The following CALD1 variants were observed in gnomAD, a reference collection of about 807,000 sequenced individuals.
The protein encoded by CALD1 is caldesmon 1, also known as caldesmon.
Under a neutral mutation model 99.9 loss-of-function variants are expected in CALD1, and 33 were observed. That is an observed-to-expected ratio of 0.33 (90% CI 0.25 to 0.44). The LOEUF is 0.44. Ranked by LOEUF, CALD1 falls within the 20% of genes least tolerant of loss-of-function variation. The pLI is 1.00. For missense variants in CALD1, 861 were observed against 962.1 expected (o/e 0.89, Z 1.39); for synonymous variants, 310 against 325.0 (o/e 0.95, Z 0.50).
At chr7:134,741,630 T>TA (rs35127719), upstream of CALD1, among the ~76,000 whole-genome samples, 35 of 152,038 alleles carry the variant, frequency 2.3e-4, no homozygotes, top group Non-Finnish European at 3.7e-4. Flanking sequence ...AATGCATATT[T>TA]AAAAAAAAGA....
In CALD1 at chr7:134,861,693, T is replaced by C. The variant is rs75332890; in HGVS notation, c.-41-6000T>C. Among the ~76,000 whole-genome samples the C allele has an allele frequency of 6.8e-3, 1,031 of 152,356 alleles. 17 individuals carry two copies. Among genetic ancestry groups the C allele is most frequent in the African/African-American group, 0.024 (991 of 41,584 alleles). ...GCACATAGTAGCTGTGCGGTAAATA[T>C]TTATTGTATATTGATTGTATAAATG... On this transcript the variant is annotated intron_variant, in intron 2 of 14. Coordinates refer to ENST00000361675, the MANE Select transcript of CALD1 (RefSeq NM_033138.4).
rs546808266 is a variant in CALD1, at chr7:134,829,096, G to A, written c.-129-14788G>A. Reference sequence around the variant, plus strand: ...TTATTGAGTGACTACTAAATGGCAGGCAACTGCAAAGTGCTGAGGAATCAT... The same window carrying A: ...TTATTGAGTGACTACTAAATGGCAGACAACTGCAAAGTGCTGAGGAATCAT... On this transcript the variant is annotated intron_variant, in intron 1 of 14. Transcript: ENST00000361675. 3.2e-4 allele frequency among the ~76,000 whole-genome samples: 49 copies of A among 152,270 alleles called. No homozygotes were observed. In the South Asian group the frequency reaches 8.3e-3, roughly 26 times the overall value.
At position 134,796,312 on chromosome 7, in the gene CALD1, TGGG is replaced by T. The variant is rs1797742217; in HGVS notation, c.-130+16565_-130+16567del. 3.9e-5 allele frequency among the ~76,000 whole-genome samples: 6 copies of T among 152,282 alleles called. No individual in the cohort carries two copies. The South Asian group carries it at 1.2e-3, about 32-fold the overall frequency. On this transcript the variant is annotated intron_variant, in intron 1 of 14. Coordinates refer to ENST00000361675, the MANE Select transcript of CALD1 (RefSeq NM_033138.4). The stretch of plus-strand genomic sequence containing the variant: ...TTTTCCCTTCTCTATGATGCCAAGG[TGGG>T]GAGCAATGTGATCTTTAATACAAAA...
the CALD1 span, among the ~76,000 whole-genome samples, chr7:134,712,392 A>G: frequency 6.6e-6 from 1 of 152,198 alleles, no homozygotes; most frequent in East Asian, 1.9e-4. Flanking sequence ...GACCCGGAAG[A>G]CAAATGCCCC....
At chr7:134,717,753 G>T in the CALD1 span, among the ~76,000 whole-genome samples, 1 of 152,218 alleles carries the variant, frequency 6.6e-6, no homozygotes, top group African/African-American at 2.4e-5. Context: ...ATGTTTAATG[G>T]ATTGGTAAAC....
chr7:134,779,556 T>A (rs933525822), upstream of CALD1: 1 of 396,210 alleles, frequency 2.5e-6, no homozygotes, highest in Non-Finnish European at 4.4e-6. Flanking sequence ...ACTGTAAACA[T>A]AGGGGATATG....
At chr7:134,876,363 C>T (rs997609295) in intron 3 of CALD1, among the ~76,000 whole-genome samples, 24 of 152,164 alleles carry the variant, frequency 1.6e-4, no homozygotes, top group African/African-American at 5.8e-4. Flanking sequence ...CCATCCTGAT[C>T]TTGCTATATG....
At chr7:134,790,471 T>C (rs1585940677) in intron 1 of CALD1, among the ~76,000 whole-genome samples, 1 of 152,094 alleles carries the variant, frequency 6.6e-6, no homozygotes, top group Non-Finnish European at 1.5e-5. Context: ...CTCTGTGTCT[T>C]CCCCCAAGAA....
At chr7:134,740,217 G>A (rs189781527), upstream of CALD1, among the ~76,000 whole-genome samples, 9 of 152,088 alleles carry the variant, frequency 5.9e-5, no homozygotes, top group Admixed American at 4.6e-4. Flanking sequence ...GCCTCATTTT[G>A]GTCAACATTT....
intron 3 of CALD1, among the ~76,000 whole-genome samples, chr7:134,877,237 G>T (rs7795204): frequency 0.015 from 2,304 of 152,208 alleles, 57 homozygotes; most frequent in African/African-American, 0.052. Flanking sequence ...ACCATCTGGG[G>T]TATCACTGAA....
At position 134,867,789 on chromosome 7, in the gene CALD1, G is replaced by C. The variant is rs1028927629; in HGVS notation, c.56G>C (p.Arg19Pro). The change falls in exon 3 of 15, where the codon CGA (arginine) becomes CCA (proline). Residue 19 changes from arginine (R) to proline (P), a missense_variant. Physicochemically the swap from Arg to Pro is moderately radical, Grantham distance 103. Coordinates refer to ENST00000361675, the MANE Select transcript of CALD1 (RefSeq NM_033138.4). Reference sequence around the variant, plus strand: ...AGAAGGCAAAAGAGGGAGGAGATGCGACTCGAAGCAGAAAGGTAAGGATCT... The same window carrying C: ...AGAAGGCAAAAGAGGGAGGAGATGCCACTCGAAGCAGAAAGGTAAGGATCT... ...ELRRQKREEM[R>P]LEAERIAYQR... 6.2e-7 allele frequency: 1 copy of C among 1,603,800 alleles called. No individual in the cohort carries two copies. Among genetic ancestry groups the C allele is most frequent in the Non-Finnish European group, 8.5e-7 (1 of 1,172,218 alleles).
Position 134,930,947 on chromosome 7 carries a change from T to G in CALD1, c.219-2041T>G, listed in dbSNP as rs568061057. On this transcript the variant is annotated intron_variant, in intron 4 of 14. Transcript: ENST00000361675. ...GGCATTTTGATGCCTTTCCTGAATC[T>G]TGTTATTAATGAGTGGTCAACAGGA... Among the ~76,000 whole-genome samples, 121 of 152,314 alleles carry G rather than the reference T, an allele frequency of 7.9e-4. 1 individual carries two copies. The highest frequency in any genetic ancestry group is 2.7e-3 in the African/African-American group (113 of 41,566).
intron 3 of CALD1, among the ~76,000 whole-genome samples, chr7:134,889,056 G>A (rs1437850442): frequency 5.9e-5 from 9 of 152,172 alleles, no homozygotes; most frequent in Non-Finnish European, 1.3e-4. Flanking sequence ...CAGAATTGGC[G>A]TGGGGGGCTG....
chr7:134,777,151 T>C (rs1297407592), upstream of CALD1, among the ~76,000 whole-genome samples: 1 of 152,180 alleles, frequency 6.6e-6, no homozygotes, highest in South Asian at 2.1e-4. Flanking sequence ...TGTATCTTTT[T>C]TTTTCCCCCT....
intron 1 of CALD1, among the ~76,000 whole-genome samples, chr7:134,749,290 A>G (rs1386283345): frequency 6.6e-6 from 1 of 152,230 alleles, no homozygotes. Flanking sequence ...GATAGAAGTG[A>G]CTCAAGGATG....
At position 134,928,892 on chromosome 7, in the gene CALD1, C is replaced by T; in HGVS notation, c.210C>T (p.Ala70=). 2 of 1,612,566 alleles carry T rather than the reference C, an allele frequency of 1.2e-6. No individual in the cohort carries two copies. Among genetic ancestry groups the T allele is most frequent in the Admixed American group, 1.7e-5 (1 of 59,800 alleles). ...TGACCGACCAGGTGGAGGTGAATGC[C>T]CAGAACAGGTACTGTCCTCTTTGGG... is the stretch of plus-strand genomic sequence containing the variant. ...GQVTDQVEVN[A]QNSVPDEEAK... is the part of the protein sequence containing the mutation. Residue 70 remains alanine (A), a synonymous_variant, in exon 4 of 15, where the codon GCC becomes GCT. Coordinates refer to ENST00000361675, the MANE Select transcript of CALD1 (RefSeq NM_033138.4).
At chr7:134,886,792 G>A (rs1476944741) in intron 3 of CALD1, among the ~76,000 whole-genome samples, 3 of 152,194 alleles carry the variant, frequency 2.0e-5, no homozygotes, top group Non-Finnish European at 4.4e-5. Context: ...GTCACCTACT[G>A]AAGTATAGTT....
At chr7:134,958,872 AATATATATATATATATATATATATATAT>A (rs58837080) in intron 11 of CALD1, among the ~76,000 whole-genome samples, 1 of 124,864 alleles carries the variant, frequency 8.0e-6, no homozygotes, top group African/African-American at 3.1e-5. Flanking sequence ...CTGGTATTTA[AATATATATATATATATATATATATATAT>A]ATATATATAT....
At chr7:134,934,554 G>C (rs1260972131) in intron 5 of CALD1, among the ~76,000 whole-genome samples, 2 of 152,122 alleles carry the variant, frequency 1.3e-5, no homozygotes, top group Non-Finnish European at 2.9e-5. Context: ...GTGGGAAAGA[G>C]ACATGAAGAA....
Sources: allele counts gnomAD v4.1 joint callset (sites outside exome capture counted in the v4.1 genomes callset), GRCh38; gene constraint gnomAD v4.1.1; transcripts MANE v1.5; gene names NCBI Gene and HGNC (gene_info 2026-07-23, HGNC 2026-07-21).